The following ANKMY2 variants were observed in gnomAD, a reference collection of about 807,000 sequenced individuals.
ANKMY2 encodes ankyrin repeat and MYND domain-containing protein 2.
A neutral mutation model predicts 50.4 loss-of-function variants in ANKMY2; 36 were observed. That is an observed-to-expected ratio of 0.71 (90% CI 0.55 to 0.94). The LOEUF (loss-of-function observed/expected upper bound fraction) is 0.94, where lower values mean the gene tolerates loss of function less well. Among genes scored for constraint, ANKMY2 ranks in the 40% least tolerant of loss-of-function variants. The pLI is 0.00. For missense variants in ANKMY2, 565 were observed against 524.0 expected (o/e 1.08, Z -0.76); for synonymous variants, 187 against 178.8 (o/e 1.05, Z -0.36).
intron 2 of ANKMY2, among the ~76,000 whole-genome samples, chr7:16,634,442 T>G (rs1229006948): frequency 1.3e-5 from 2 of 152,132 alleles, no homozygotes; most frequent in Non-Finnish European, 2.9e-5. Context: ...CAGACTGCAT[T>G]GAGGCGATGG....
intron 2 of ANKMY2, 77 bp downstream of exon 2, chr7:16,636,302 CAAAAAAAAAAAA>C (rs376207917): frequency 1.2e-4 from 25 of 214,412 alleles, no homozygotes; most frequent in Admixed American, 3.8e-4. Context: ...CACTCCATCT[CAAAAAAAAAAAA>C]AAAAAAAAAA....
chr7:16,620,774 CAG>C (rs1385330510), intron 4 of ANKMY2, among the ~76,000 whole-genome samples: 1 of 152,076 alleles, frequency 6.6e-6, no homozygotes, highest in Non-Finnish European at 1.5e-5. Flanking sequence ...GATTACAAAA[CAG>C]AACCCACCTA....
intron 2 of ANKMY2, among the ~76,000 whole-genome samples, chr7:16,632,598 T>C (rs1047420409): frequency 2.0e-5 from 3 of 152,264 alleles, no homozygotes; most frequent in African/African-American, 7.2e-5. Flanking sequence ...CTTTCATCTT[T>C]GTAACTGAAT....
chr7:16,626,748 G>C (rs771314666), intron 3 of ANKMY2, among the ~76,000 whole-genome samples: 1 of 152,096 alleles, frequency 6.6e-6, no homozygotes, highest in African/African-American at 2.4e-5. Flanking sequence ...TAAAGATATA[G>C]AACATCAAAG....
At position 16,610,562 on chromosome 7, in the gene ANKMY2, T is replaced by G; in HGVS notation, c.733A>C (p.Thr245Pro). 6.2e-7 allele frequency: 1 copy of G among 1,611,374 alleles called. No individual in the cohort carries two copies. Among genetic ancestry groups the G allele is most frequent in the Non-Finnish European group, 8.5e-7 (1 of 1,178,292 alleles). The change falls in exon 6 of 10, where the codon ACC becomes CCC. Residue 245 changes from threonine (T) to proline (P), a missense_variant. Transcript: ENST00000306999. ...TAAAAAGAGTACCTTTTGATCAAGG[T>G]GTCCAGTTTATTCTCTCCATCTTTT... ...FLKDGENKLD[T>P]LIKSLLKGRA... is the part of the protein sequence containing the mutation.
chr7:16,604,818 G>T lies in ANKMY2; in HGVS notation c.914C>A (p.Thr305Asn). Residue 305 changes from threonine to asparagine, a missense_variant, in exon 8 of 10, where the codon ACC becomes AAC. Physicochemically the swap from Thr to Asn is moderately conservative, Grantham distance 65 (BLOSUM62 0). Coordinates refer to ENST00000306999, the MANE Select transcript of ANKMY2 (RefSeq NM_020319.3). Reference protein sequence around the residue: ...GSDPTAFSVLTQAITGQVGFV... With the variant: ...GSDPTAFSVLNQAITGQVGFV... ...ACCCACCTGGCCAGTGATGGCTTGG[G>T]TAAGGACGGAGAATGCAGTGGGATC... 2 of 1,613,930 alleles carry T rather than the reference G, an allele frequency of 1.2e-6. No individual in the cohort carries two copies. The highest frequency in any genetic ancestry group is 1.3e-5 in the African/African-American group (1 of 75,036).
At chr7:16,622,038 G>A (rs1241894566) in intron 4 of ANKMY2, among the ~76,000 whole-genome samples, 1 of 151,462 alleles carries the variant, frequency 6.6e-6, no homozygotes, top group African/African-American at 2.4e-5. Context: ...TAAAAAAGAA[G>A]AAGAAGAAAG....
Position 16,615,842 on chromosome 7 carries a change from T to C in ANKMY2, c.433A>G (p.Thr145Ala), listed in dbSNP as rs750345828. Residue 145 changes from threonine (T) to alanine (A), a missense_variant, in exon 5 of 10, where the codon ACT becomes GCT. Physicochemically the swap from Thr to Ala is moderately conservative, Grantham distance 58. Transcript: ENST00000306999. Reference protein sequence around the residue: ...FFPRERLDYYTKPQGLDKEPK... With the variant: ...FFPRERLDYYAKPQGLDKEPK... ...TCTTTATCCAGTCCCTGGGGCTTAG[T>C]GTAATAATCCAGTCTCTCTCGAGGA... 1.2e-6 allele frequency: 2 copies of C among 1,614,216 alleles called. No individual in the cohort carries two copies. The highest frequency in any genetic ancestry group is 1.7e-6 in the Non-Finnish European group (2 of 1,180,040).
intron 4 of ANKMY2, among the ~76,000 whole-genome samples, chr7:16,616,841 G>A (rs1781361302): frequency 2.0e-5 from 3 of 152,238 alleles, no homozygotes. Context: ...GCTTGTGCTT[G>A]GTCCTGGGAG....
At chr7:16,602,981 G>A (rs968549285) in intron 8 of ANKMY2, among the ~76,000 whole-genome samples, 8 of 152,176 alleles carry the variant, frequency 5.3e-5, no homozygotes, top group East Asian at 1.9e-4. Context: ...CTTCAGAACC[G>A]TGAGCCCATT....
intron 3 of ANKMY2, 121 bp downstream of exon 3, chr7:16,626,919 T>A (rs1223083993): frequency 2.5e-6 from 2 of 800,844 alleles, no homozygotes; most frequent in African/African-American, 3.6e-5. Context: ...TTGCCATCAT[T>A]CCTTTCCATA....
chr7:16,638,467 A>C (rs1781699689), intron 1 of ANKMY2, among the ~76,000 whole-genome samples: 1 of 152,218 alleles, frequency 6.6e-6, no homozygotes, highest in Admixed American at 6.5e-5. Flanking sequence ...GGCAAAGAGC[A>C]AGGTATGTGG....
intron 1 of ANKMY2, among the ~76,000 whole-genome samples, chr7:16,643,353 G>C (rs912399455): frequency 3.9e-5 from 6 of 152,174 alleles, no homozygotes; most frequent in Non-Finnish European, 1.5e-5. Flanking sequence ...TGTGTGGCTT[G>C]CAATAACAGT....
intron 2 of ANKMY2, among the ~76,000 whole-genome samples, chr7:16,628,434 G>T (rs1184044156): frequency 7.4e-6 from 1 of 135,040 alleles, no homozygotes; most frequent in Non-Finnish European, 1.5e-5. Flanking sequence ...AGTAAGAATG[G>T]AAAAATGATA....
At chr7:16,639,985 C>A (rs1302207974) in intron 1 of ANKMY2, among the ~76,000 whole-genome samples, 1 of 151,332 alleles carries the variant, frequency 6.6e-6, no homozygotes, top group East Asian at 1.9e-4. Context: ...CATGGTGAAA[C>A]CCCATCTCTA....
At chr7:16,641,986 A>G (rs1201591327) in intron 1 of ANKMY2, among the ~76,000 whole-genome samples, 2 of 152,200 alleles carry the variant, frequency 1.3e-5, no homozygotes, top group Non-Finnish European at 1.5e-5. Context: ...TGATGGTTTC[A>G]CAGATGTATG....
chr7:16,614,946 T>C (rs1445655145), intron 5 of ANKMY2, among the ~76,000 whole-genome samples: 1 of 152,214 alleles, frequency 6.6e-6, no homozygotes, highest in Non-Finnish European at 1.5e-5. Context: ...GAAATTATAC[T>C]TGTTTAGCTG....
At chr7:16,642,810 T>C (rs1245465419) in intron 1 of ANKMY2, among the ~76,000 whole-genome samples, 1 of 152,220 alleles carries the variant, frequency 6.6e-6, no homozygotes, top group Non-Finnish European at 1.5e-5. Context: ...AAAACTGAGT[T>C]AACTTGACAG....
intron 4 of ANKMY2, among the ~76,000 whole-genome samples, chr7:16,621,467 T>C (rs1166003159): frequency 1.3e-5 from 2 of 152,128 alleles, no homozygotes; most frequent in Non-Finnish European, 2.9e-5. Context: ...AGTAGGAAAA[T>C]GTTAGCTGGT....
Sources: allele counts gnomAD v4.1 joint callset (sites outside exome capture counted in the v4.1 genomes callset), GRCh38; gene constraint gnomAD v4.1.1; transcripts MANE v1.5; gene names NCBI Gene and HGNC (gene_info 2026-07-23, HGNC 2026-07-21).